ATP4A: variants seen among roughly 807,000 people sequenced by gnomAD.
ATP4A encodes the protein potassium-transporting ATPase alpha chain 1.
ATP4A carries 73 observed loss-of-function variants against 112.1 expected under a neutral mutation model. The ratio of observed to expected loss-of-function variants is 0.65; its 90% CI spans 0.54 to 0.79. The LOEUF (loss-of-function observed/expected upper bound fraction) is 0.79. ATP4A is among the 30% of genes least tolerant of loss of function. The pLI is 0.00. For synonymous variants in ATP4A, 588 were observed against 588.9 expected (o/e 1.00, Z 0.02); for missense variants, 1,081 against 1,425.9 (o/e 0.76, Z 3.90).
At position 35,563,537 on chromosome 19, in the gene ATP4A, G is replaced by C. The variant is rs1161056742; in HGVS notation, c.13-10C>G. ...AGAGCTCATAGTTCTCCTGGGAATG[G>C]ACAGGATGGAGGGAGGGAGAACTCA... is the stretch of plus-strand genomic sequence containing the variant. On this transcript the variant is annotated splice_polypyrimidine_tract_variant and intron_variant, in intron 1 of 21. Transcript: ENST00000262623. The C allele has an allele frequency of 1.9e-6, 3 of 1,614,038 alleles. No homozygotes were observed. The highest frequency in any genetic ancestry group is 2.5e-6 in the Non-Finnish European group (3 of 1,179,966).
rs149744668 is a variant in ATP4A, at chr19:35,551,057, C to T, written c.2940G>A (p.Leu980=). The change falls in exon 20 of 22, where the codon CTG becomes CTA. Residue 980 remains leucine (L), a synonymous_variant. Coordinates refer to ENST00000262623, the MANE Select transcript of ATP4A (RefSeq NM_000704.3). The surrounding 1 kb of genome is among the most constrained non-coding windows in gnomAD (Gnocchi z 5.2). ...IVFQVCIGCF[L]CYCPGMPNIF... is the part of the protein sequence containing the mutation. ...TGTTGGGCATGCCGGGGCAGTAGCA[C>T]AGGAAGCAGCCGATGCAGACCTGGA... is the stretch of plus-strand genomic sequence containing the variant. The T allele has an allele frequency of 3.9e-4, 625 of 1,613,814 alleles. 9 individuals carry two copies. In the East Asian group the frequency reaches 0.013, roughly 34 times the overall value.
chr19:35,556,665 G>A (rs1423218649), intron 12 of ATP4A, among the ~76,000 whole-genome samples: 5 of 152,212 alleles, frequency 3.3e-5, no homozygotes, highest in Non-Finnish European at 5.9e-5. Context: ...AGTGAAGGGA[G>A]TGCCTGCAAA....
rs556095968 is a variant in ATP4A at position 35,558,180 on chromosome 19, G to A, written c.1500+182C>T. ...GAGGAGAAGCTGTGGGCGGGGCTGG[G>A]TGGTGGGCGGGGCCTTGCCTCTGGT... On this transcript the variant is annotated intron_variant, in intron 10 of 21. Coordinates refer to ENST00000262623, the MANE Select transcript of ATP4A (RefSeq NM_000704.3). This position sits in a 1 kb window ranked among gnomAD's most constrained non-coding sequence, Gnocchi z 5.1. Among the ~76,000 whole-genome samples the A allele has an allele frequency of 2.0e-5, 3 of 152,098 alleles. No homozygotes were observed. The highest frequency in any genetic ancestry group is 1.9e-4 in the East Asian group (1 of 5,168).
At chr19:35,563,114 CCCT>C (rs2071681806) in intron 3 of ATP4A, 92 bp downstream of exon 3, 1 of 1,379,430 alleles carries the variant, frequency 7.2e-7, no homozygotes. Context: ...CTTCATCTCT[CCCT>C]CTCTCTCCCT....
chr19:35,561,016 G>T, intron 4 of ATP4A, 84 bp from the exon 5 acceptor site: 1 of 1,127,446 alleles, frequency 8.9e-7, no homozygotes, highest in South Asian at 1.3e-5. Context: ...TGGTGCCCTG[G>T]TTTTCTTGGT....
chr19:35,557,144 G>A lies in ATP4A; in HGVS notation c.1694-56C>T. The A allele has an allele frequency of 6.3e-7, 1 of 1,594,068 alleles. No individual in the cohort carries two copies. The highest frequency in any genetic ancestry group is 1.1e-5 in the South Asian group (1 of 90,046). ...CCCTGGGCACACCCTTTCTTAGCAG[G>A]GCCAGGAAATGGGTAAAATAACCAG... On this transcript the variant is annotated intron_variant, in intron 11 of 21. Coordinates refer to ENST00000262623, the MANE Select transcript of ATP4A (RefSeq NM_000704.3). The surrounding 1 kb of genome is among the most constrained non-coding windows in gnomAD (Gnocchi z 4.4).
Position 35,557,662 on chromosome 19 carries a change from G to A in ATP4A, c.1686C>T (p.Arg562=). Reference sequence around the variant, plus strand: ...CCTGCCCAGGGGTCTCACCGAGCACGCGTTCGCCCAGGCCTCCCAGGCTGA... The same window carrying A: ...CCTGCCCAGGGGTCTCACCGAGCACACGTTCGCCCAGGCCTCCCAGGCTGA... ...AYLSLGGLGE[R]VLGFCQLYLN... Residue 562 remains arginine, a synonymous_variant, in exon 11 of 22, where the codon CGC becomes CGT. Coordinates refer to ENST00000262623, the MANE Select transcript of ATP4A (RefSeq NM_000704.3). The surrounding 1 kb of genome is among the most constrained non-coding windows in gnomAD (Gnocchi z 4.4). 6.2e-7 allele frequency: 1 copy of A among 1,606,480 alleles called. No individual in the cohort carries two copies. Among genetic ancestry groups the A allele is most frequent in the Non-Finnish European group, 8.5e-7 (1 of 1,177,378 alleles).
At position 35,558,797 on chromosome 19, in the gene ATP4A, AT is replaced by A. The variant is rs2071649464; in HGVS notation, c.1256-112del. 1 of 1,311,564 alleles carries A rather than the reference AT, an allele frequency of 7.6e-7. No homozygotes were observed. Among genetic ancestry groups the A allele is most frequent in the Non-Finnish European group, 1.0e-6 (1 of 970,798 alleles). The allele number at this position is 1,311,564 out of a possible 1,614,324, so 81.2% of individuals were successfully genotyped here. A position where few individuals can be genotyped will look rare whatever the true frequency, so the allele number is the denominator to read the frequency against. ...GGCCCCCTCCCCAGACCTGGGTGGA[AT>A]TGGGTTCCACCCAACCCTGAGGGAC... On this transcript the variant is annotated intron_variant, in intron 8 of 21. Coordinates refer to ENST00000262623, the MANE Select transcript of ATP4A (RefSeq NM_000704.3). This position sits in a 1 kb window ranked among gnomAD's most constrained non-coding sequence, Gnocchi z 5.1.
intron 3 of ATP4A, 53 bp downstream of exon 3, chr19:35,563,156 C>T (rs1234918437): frequency 1.3e-6 from 2 of 1,599,106 alleles, no homozygotes; most frequent in African/African-American, 2.7e-5. Context: ...CCATCTCCCT[C>T]TCCCTCCCTC....
At position 35,550,572 on chromosome 19, in the gene ATP4A, C is replaced by A. The variant is rs2071595510; in HGVS notation, c.*43G>T. ...GAGGGTCCCACGAGCCCTGCCCCCACCTGCTGTGGCAGTTGCAGGGATGCT... is the reference window on the plus strand; with the variant it reads ...GAGGGTCCCACGAGCCCTGCCCCCAACTGCTGTGGCAGTTGCAGGGATGCT... On this transcript the variant is annotated 3_prime_UTR_variant, in exon 22 of 22. Coordinates refer to ENST00000262623, the MANE Select transcript of ATP4A (RefSeq NM_000704.3). This position sits in a 1 kb window ranked among gnomAD's most constrained non-coding sequence, Gnocchi z 4.1. The A allele has an allele frequency of 6.2e-7, 1 of 1,612,544 alleles. No individual in the cohort carries two copies. The highest frequency in any genetic ancestry group is 2.2e-5 in the East Asian group (1 of 44,878).
chr19:35,560,017 C>T lies in ATP4A; in HGVS notation c.844G>A (p.Ala282Thr), dbSNP rs1599574512. 1.2e-6 allele frequency: 2 copies of T among 1,614,148 alleles called. No homozygotes were observed. The highest frequency in any genetic ancestry group is 1.7e-6 in the Non-Finnish European group (2 of 1,180,056). The change falls in exon 7 of 22, where the codon GCA (alanine) becomes ACA (threonine). Residue 282 changes from alanine to threonine, a missense_variant. Ala to Thr is a moderately conservative substitution (Grantham distance 58). This residue lies in a region of ATP4A where 850 missense variants were observed against 1,068.2 expected (regional missense o/e 0.80). Coordinates refer to ENST00000262623, the MANE Select transcript of ATP4A (RefSeq NM_000704.3). This position sits in a 1 kb window ranked among gnomAD's most constrained non-coding sequence, Gnocchi z 5.1. ...TTTTCCACCCCCGACGCCAGCGATG[C>T]GATGCGCCCAATGATGGTGCGGTCG... ...TGDRTIIGRIASLASGVENEK... is the reference protein window; with the variant it reads ...TGDRTIIGRITSLASGVENEK...
At position 35,553,049 on chromosome 19, in the gene ATP4A, G is replaced by A. The variant is rs150268183; in HGVS notation, c.2739C>T (p.Tyr913=). 328 of 1,602,632 alleles carry A rather than the reference G, an allele frequency of 2.0e-4. 2 individuals are homozygous for A. The African/African-American group carries it at 3.8e-3, about 19-fold the overall frequency. Residue 913 remains tyrosine (Y), a synonymous_variant, in exon 18 of 22, where the codon TAC becomes TAT. Coordinates refer to ENST00000262623, the MANE Select transcript of ATP4A (RefSeq NM_000704.3). ...DHHLQDLQDS[Y]GQEWTFGQRL... ...GGGCAGGGCTCACCCACTCCTGGCC[G>A]TAGCTGTCCTGCAGATCTTGTAGGT...
chr19:35,551,141 T>C lies in ATP4A; in HGVS notation c.2886-30A>G, dbSNP rs1478052256. The C allele has an allele frequency of 3.2e-6, 5 of 1,576,028 alleles. No homozygotes were observed. Among genetic ancestry groups the C allele is most frequent in the Non-Finnish European group, 4.3e-6 (5 of 1,158,348 alleles). ...GGGTGGGCAGAATGGGACAGGCCAT[T>C]AGGAATTGGGGACGTGATGGAAATC... On this transcript the variant is annotated intron_variant, in intron 19 of 21. Transcript: ENST00000262623. This position sits in a 1 kb window ranked among gnomAD's most constrained non-coding sequence, Gnocchi z 5.2.
Position 35,558,300 on chromosome 19 carries a change from T to A in ATP4A, c.1500+62A>T, listed in dbSNP as rs1328596076. ...GCCCCTCGTGGCCCGCTGATGTGGG[T>A]GTGGCCTGGGGCGGGGCCCGAGGTG... On this transcript the variant is annotated intron_variant, in intron 10 of 21. Transcript: ENST00000262623. This position sits in a 1 kb window ranked among gnomAD's most constrained non-coding sequence, Gnocchi z 5.1. 1.6e-5 allele frequency: 25 copies of A among 1,544,570 alleles called. No individual in the cohort carries two copies. Among genetic ancestry groups the A allele is most frequent in the Non-Finnish European group, 2.2e-5 (25 of 1,144,080 alleles).
rs769372840 is a variant in ATP4A at position 35,559,835 on chromosome 19, A to G, written c.1026T>C (p.Tyr342=). Residue 342 remains tyrosine (Y), a synonymous_variant, in exon 7 of 22, where the codon TAT becomes TAC. Coordinates refer to ENST00000262623, the MANE Select transcript of ATP4A (RefSeq NM_000704.3). The surrounding 1 kb of genome is among the most constrained non-coding windows in gnomAD (Gnocchi z 4.1). The part of the protein sequence containing the change: ...MVFFMAIVVA[Y]VPEGLLATVT... Reference sequence around the variant, plus strand: ...CAGTGGCCAGCAGCCCCTCAGGCACATAGGCCACCACGATGGCCATGAAGA... The same window carrying G: ...CAGTGGCCAGCAGCCCCTCAGGCACGTAGGCCACCACGATGGCCATGAAGA... 3.1e-6 allele frequency: 5 copies of G among 1,614,216 alleles called. No homozygotes were observed. The highest frequency in any genetic ancestry group is 4.2e-6 in the Non-Finnish European group (5 of 1,180,014).
In ATP4A at chr19:35,560,620, G is replaced by T; in HGVS notation, c.535-5C>A. On this transcript the variant is annotated splice_polypyrimidine_tract_variant and splice_region_variant and intron_variant, in intron 5 of 21. Transcript: ENST00000262623. This position sits in a 1 kb window ranked among gnomAD's most constrained non-coding sequence, Gnocchi z 5.1. ...ATCGCGGATGACAGTGGCTTGCTGC[G>T]GGGCAGGGGCACCAAAGTTGAGGTG... is the stretch of plus-strand genomic sequence containing the variant. 2 of 1,607,816 alleles carry T rather than the reference G, an allele frequency of 1.2e-6. No individual in the cohort carries two copies.
intron 18 of ATP4A, 104 bp downstream of exon 18, chr19:35,552,933 G>C: frequency 7.0e-7 from 1 of 1,419,424 alleles, no homozygotes; most frequent in South Asian, 1.4e-5. Flanking sequence ...GGGATGCTCT[G>C]GCTGAACTCA....
intron 17 of ATP4A, 134 bp downstream of exon 17, chr19:35,553,572 G>T: frequency 7.6e-7 from 1 of 1,317,936 alleles, no homozygotes; most frequent in African/African-American, 1.5e-5. Context: ...GGACACGGAG[G>T]ACAACGGAGA....
At chr19:35,556,180 A>G (rs1568314223) in intron 12 of ATP4A, among the ~76,000 whole-genome samples, 1 of 152,196 alleles carries the variant, frequency 6.6e-6, no homozygotes, top group Non-Finnish European at 1.5e-5. Flanking sequence ...AGCTGGGAGA[A>G]GAGTGCTCCT....
Sources: allele counts gnomAD v4.1 joint callset (sites outside exome capture counted in the v4.1 genomes callset), GRCh38; gene constraint gnomAD v4.1.1; regional missense constraint gnomAD v4.1.1; non-coding constraint Gnocchi (gnomAD v3.1); transcripts MANE v1.5; gene names NCBI Gene and HGNC (gene_info 2026-07-23, HGNC 2026-07-21).